ELP4: variants seen among roughly 807,000 people sequenced by gnomAD.
The protein encoded by ELP4 is elongator acetyltransferase complex subunit 4.
In ELP4, 51 loss-of-function variants were observed where a neutral mutation model predicts 48.9. The observed-to-expected ratio is 1.04, with a 90% CI of 0.83 to 1.32. ELP4 has a LOEUF of 1.32. Among genes scored for constraint, ELP4 ranks in the 40% most tolerant of loss-of-function variants. The pLI, the probability that ELP4 is intolerant of heterozygous loss-of-function variation, is 0.00. For missense variants in ELP4, 519 were observed against 514.6 expected (o/e 1.01, Z -0.08); for synonymous variants, 210 against 189.2 (o/e 1.11, Z -0.90).
intron 9 of ELP4, among the ~76,000 whole-genome samples, chr11:31,711,716 A>G (rs1329037487): frequency 6.6e-6 from 1 of 152,084 alleles, no homozygotes; most frequent in African/African-American, 2.4e-5. Context: ...AAACTAACCA[A>G]ATTAGTCATT....
At chr11:31,666,087 C>T (rs1240302805) in intron 9 of ELP4, among the ~76,000 whole-genome samples, 1 of 137,652 alleles carries the variant, frequency 7.3e-6, no homozygotes, top group Non-Finnish European at 1.5e-5. Context: ...AGGCTCACTG[C>T]AACCTCTGCC....
chr11:31,762,852 A>G (rs1947971338), intron 9 of ELP4, among the ~76,000 whole-genome samples: 1 of 151,746 alleles, frequency 6.6e-6, no homozygotes, highest in Non-Finnish European at 1.5e-5. Context: ...ATAGAAAAAT[A>G]ATTTTTTTCA....
rs923220217 is a variant in ELP4, at chr11:31,535,990, C to T, written c.260-3672C>T. The stretch of plus-strand genomic sequence containing the variant: ...GGGCAAAATGTAAGGTACTAAGCAT[C>T]CTTGGATTTTGGTATTCATGGAGTA... On this transcript the variant is annotated intron_variant, in intron 2 of 9. Transcript: ENST00000640961. Among the ~76,000 whole-genome samples, 6 of 152,112 alleles carry T rather than the reference C, an allele frequency of 3.9e-5. No homozygotes were observed. The East Asian group carries it at 9.6e-4, about 24-fold the overall frequency.
At position 31,509,795 on chromosome 11, in the gene ELP4, T is replaced by C. The variant is rs1444076511; in HGVS notation, c.11T>C (p.Val4Ala). The change falls in exon 1 of 10, where the codon GTG becomes GCG. Residue 4 changes from valine (V) to alanine (A), a missense_variant. Physicochemically the swap from Val to Ala is moderately conservative, Grantham distance 64. Coordinates refer to ENST00000640961, the MANE Select transcript of ELP4 (RefSeq NM_019040.5). Reference protein sequence around the residue: MAAVATCGSVAAST... With the variant: MAAAATCGSVAAST... ...ACTGGAGGCTCTAAGATGGCGGCAG[T>C]GGCAACCTGCGGTAGTGTTGCCGCG... is the stretch of plus-strand genomic sequence containing the variant. 5 of 1,614,078 alleles carry C rather than the reference T, an allele frequency of 3.1e-6. No individual in the cohort carries two copies. The highest frequency in any genetic ancestry group is 2.2e-5 in the South Asian group (2 of 91,068).
chr11:31,561,228 G>T (rs1957020298), intron 3 of ELP4, among the ~76,000 whole-genome samples: 1 of 152,084 alleles, frequency 6.6e-6, no homozygotes, highest in Non-Finnish European at 1.5e-5. Context: ...CTCTATAGTT[G>T]TACTGAGTAT....
chr11:31,747,012 T>A (rs1947609606), intron 9 of ELP4, among the ~76,000 whole-genome samples: 1 of 151,072 alleles, frequency 6.6e-6, no homozygotes, highest in Admixed American at 6.6e-5. Flanking sequence ...ATATATGCTA[T>A]TCATTTTAAC....
chr11:31,686,083 T>A (rs1946154459), intron 9 of ELP4, among the ~76,000 whole-genome samples: 1 of 152,132 alleles, frequency 6.6e-6, no homozygotes, highest in South Asian at 2.1e-4. Context: ...TTTTCTAACC[T>A]TCTTGTAGGC....
At chr11:31,548,119 G>T (rs1036962839) in intron 3 of ELP4, among the ~76,000 whole-genome samples, 1 of 152,140 alleles carries the variant, frequency 6.6e-6, no homozygotes, top group East Asian at 1.9e-4. Context: ...TCAACATAGT[G>T]TTGGAAGTTC....
intron 9 of ELP4, among the ~76,000 whole-genome samples, chr11:31,665,273 A>G (rs1056907148): frequency 1.3e-5 from 2 of 152,188 alleles, no homozygotes; most frequent in Non-Finnish European, 2.9e-5. Flanking sequence ...CAACTACTCC[A>G]TATGCTAGGG....
chr11:31,669,226 G>T (rs1461708891), intron 9 of ELP4, among the ~76,000 whole-genome samples: 3 of 151,974 alleles, frequency 2.0e-5, no homozygotes, highest in African/African-American at 7.3e-5. Flanking sequence ...AGCCTCCCGA[G>T]TAGCTGGGAC....
At chr11:31,632,001 CTT>C (rs1214495982) in intron 6 of ELP4, among the ~76,000 whole-genome samples, 2 of 151,984 alleles carry the variant, frequency 1.3e-5, no homozygotes, top group East Asian at 1.9e-4. Context: ...TTATGATACT[CTT>C]CAGATTTTTC....
chr11:31,701,620 T>G (rs1946524272), intron 9 of ELP4, among the ~76,000 whole-genome samples: 1 of 151,518 alleles, frequency 6.6e-6, no homozygotes, highest in African/African-American at 2.4e-5. Flanking sequence ...TCTGCTCCTA[T>G]TGCCAAGCCA....
chr11:31,738,498 G>A (rs1275639033), intron 9 of ELP4, among the ~76,000 whole-genome samples: 1 of 151,474 alleles, frequency 6.6e-6, no homozygotes, highest in South Asian at 2.1e-4. Flanking sequence ...CACTGCGGGG[G>A]GCTAAGGCTG....
At chr11:31,665,318 A>T (rs1945647413) in intron 9 of ELP4, among the ~76,000 whole-genome samples, 1 of 152,046 alleles carries the variant, frequency 6.6e-6, no homozygotes, top group Non-Finnish European at 1.5e-5. Flanking sequence ...GACTTAAACT[A>T]TGCCTGTAGC....
intron 9 of ELP4, among the ~76,000 whole-genome samples, chr11:31,729,909 G>C (rs889873118): frequency 1.3e-5 from 2 of 152,194 alleles, no homozygotes; most frequent in African/African-American, 4.8e-5. Flanking sequence ...GTGAGATTGT[G>C]TTATTAAGGA....
chr11:31,651,920 G>A (rs568293698), intron 9 of ELP4: 1 of 151,706 alleles, frequency 6.6e-6, no homozygotes, highest in Non-Finnish European at 1.5e-5. Context: ...GAGGGAAAGA[G>A]AGAAATAAAG....
At chr11:31,627,713 C>A (rs981991918) in intron 6 of ELP4, among the ~76,000 whole-genome samples, 3 of 151,962 alleles carry the variant, frequency 2.0e-5, no homozygotes, top group Admixed American at 6.6e-5. Flanking sequence ...TCCAAATTTC[C>A]ACTAATAAAG....
chr11:31,660,207 A>G (rs1945525888), intron 9 of ELP4, among the ~76,000 whole-genome samples: 1 of 152,150 alleles, frequency 6.6e-6, no homozygotes. Flanking sequence ...TTTCACTTAC[A>G]TATTTTGAAA....
At chr11:31,573,371 C>T (rs1333692659) in intron 3 of ELP4, among the ~76,000 whole-genome samples, 4 of 152,142 alleles carry the variant, frequency 2.6e-5, no homozygotes, top group Non-Finnish European at 4.4e-5. Flanking sequence ...CCCTACTTCT[C>T]GGTATCAAAA....
Sources: gnomAD v4.1 joint callset for allele counts (sites outside exome capture counted in the v4.1 genomes callset) on GRCh38, gnomAD v4.1.1 for gene constraint, MANE v1.5 for transcripts, NCBI Gene and HGNC (gene_info 2026-07-23, HGNC 2026-07-21) for gene names.